ADAMTSL1: variants seen among roughly 807,000 people sequenced by gnomAD.
The protein encoded by ADAMTSL1 is ADAMTS like 1, also known as ADAMTS-like protein 1.
ADAMTSL1 carries 126 observed loss-of-function variants against 201.8 expected under a neutral mutation model. The ratio of observed to expected loss-of-function variants is 0.62; its 90% CI spans 0.54 to 0.72. The LOEUF is 0.72. Among genes scored for constraint, ADAMTSL1 ranks in the 30% least tolerant of loss-of-function variants. The probability of loss-of-function intolerance (pLI) is 0.00; values close to 1 mark genes in which losing one functional copy is unlikely to be tolerated. For synonymous variants in ADAMTSL1, 1,121 were observed against 903.4 expected (o/e 1.24, Z -4.32); for missense variants, 2,679 against 2,277.8 (o/e 1.18, Z -3.59).
intron 1 of ADAMTSL1, among the ~76,000 whole-genome samples, chr9:18,017,392 T>C (rs1820303036): frequency 6.6e-6 from 1 of 151,970 alleles, no homozygotes; most frequent in African/African-American, 2.4e-5. Context: ...TAACACCTGC[T>C]TAGTTTCAGC....
At chr9:18,350,617 G>A (rs1336909751) in intron 2 of ADAMTSL1, among the ~76,000 whole-genome samples, 1 of 152,112 alleles carries the variant, frequency 6.6e-6, no homozygotes, top group Non-Finnish European at 1.5e-5. Context: ...AAGATCTGTA[G>A]GAATAAAGCA....
intron 14 of ADAMTSL1, among the ~76,000 whole-genome samples, chr9:18,714,661 C>A: frequency 6.7e-6 from 1 of 150,230 alleles, no homozygotes; most frequent in East Asian, 2.0e-4. Flanking sequence ...CCGAATTCTA[C>A]CAGAGGTACA....
intron 1 of ADAMTSL1, among the ~76,000 whole-genome samples, chr9:18,070,982 T>C (rs906983173): frequency 2.0e-5 from 3 of 152,132 alleles, no homozygotes; most frequent in South Asian, 4.1e-4. Context: ...GCTTGAACTG[T>C]AGACTCAGGG....
chr9:17,916,730 A>C (rs1588410821), intron 1 of ADAMTSL1, among the ~76,000 whole-genome samples: 1 of 152,210 alleles, frequency 6.6e-6, no homozygotes, highest in East Asian at 1.9e-4. Flanking sequence ...AGTCCTGATA[A>C]ATAAAAATAA....
At chr9:18,572,872 G>A (rs1280646484) in intron 3 of ADAMTSL1, among the ~76,000 whole-genome samples, 1 of 152,134 alleles carries the variant, frequency 6.6e-6, no homozygotes, top group Non-Finnish European at 1.5e-5. Context: ...CAAAAAATTA[G>A]AATAAAAGCC....
At chr9:18,534,357 T>G (rs1819624986) in intron 3 of ADAMTSL1, among the ~76,000 whole-genome samples, 1 of 152,024 alleles carries the variant, frequency 6.6e-6, no homozygotes, top group Non-Finnish European at 1.5e-5. Context: ...AGCAAAACCC[T>G]GTCTCTTATA....
intron 14 of ADAMTSL1, among the ~76,000 whole-genome samples, chr9:18,719,413 T>A (rs1052450302): frequency 1.3e-5 from 2 of 152,162 alleles, no homozygotes; most frequent in African/African-American, 4.8e-5. Flanking sequence ...AATGGTGTGA[T>A]CTCAGCTCAC....
chr9:18,048,053 T>C (rs531799783), intron 1 of ADAMTSL1, among the ~76,000 whole-genome samples: 2 of 152,260 alleles, frequency 1.3e-5, no homozygotes, highest in East Asian at 3.9e-4. Context: ...GGACAGGGAG[T>C]AAACATTTGA....
chr9:18,834,462 A>G (rs1484287518), intron 23 of ADAMTSL1, among the ~76,000 whole-genome samples: 3 of 152,152 alleles, frequency 2.0e-5, no homozygotes, highest in Non-Finnish European at 4.4e-5. Context: ...CCCATATTTG[A>G]CAATCTGGTA....
chr9:18,391,521 C>T (rs1327373452), intron 2 of ADAMTSL1, among the ~76,000 whole-genome samples: 4 of 152,130 alleles, frequency 2.6e-5, no homozygotes, highest in African/African-American at 7.2e-5. Context: ...TAATAGCTCA[C>T]TGTAGCCTTG....
At chr9:18,497,292 G>T (rs553642997) in intron 1 of ADAMTSL1, among the ~76,000 whole-genome samples, 1 of 152,110 alleles carries the variant, frequency 6.6e-6, no homozygotes, top group Non-Finnish European at 1.5e-5. Context: ...TTTTTTAAAT[G>T]ACTGTAGTTT....
At chr9:18,443,355 G>A (rs1278971976) in intron 2 of ADAMTSL1, among the ~76,000 whole-genome samples, 1 of 152,174 alleles carries the variant, frequency 6.6e-6, no homozygotes, top group African/African-American at 2.4e-5. Context: ...ATTACTTTTT[G>A]TCTTTCTCCT....
At chr9:18,787,653 G>A (rs1293993660) in intron 19 of ADAMTSL1, among the ~76,000 whole-genome samples, 1 of 152,132 alleles carries the variant, frequency 6.6e-6, no homozygotes, top group Non-Finnish European at 1.5e-5. Context: ...GGATTTGCAG[G>A]CATCAGGAGT....
chr9:17,983,072 C>CTTTTTTTTTTTTTTTTTTTTTTT (rs199805015), intron 1 of ADAMTSL1, among the ~76,000 whole-genome samples: 2 of 100,316 alleles, frequency 2.0e-5, no homozygotes, highest in Non-Finnish European at 4.0e-5. Context: ...TTCTTTCTTT[C>CTTTTTTTTTTTTTTTTTTTTTTT]TTTCTTTTTT....
At position 18,718,782 on chromosome 9, in the gene ADAMTSL1, A is replaced by T. The variant is rs559107117; in HGVS notation, c.1877-2754A>T. Reference sequence around the variant, plus strand: ...ACACCTTCACACACACACCTGATCCAGTCACTTTCAAGTAAAGCATGTGAC... The same window carrying T: ...ACACCTTCACACACACACCTGATCCTGTCACTTTCAAGTAAAGCATGTGAC... On this transcript the variant is annotated intron_variant, in intron 14 of 28. Coordinates refer to ENST00000380548, the MANE Select transcript of ADAMTSL1 (RefSeq NM_001040272.6). 2.0e-5 allele frequency among the ~76,000 whole-genome samples: 3 copies of T among 152,334 alleles called. No individual in the cohort carries two copies. In the South Asian group the frequency reaches 6.2e-4, roughly 32 times the overall value.
At chr9:18,119,957 T>C (rs572388287) in intron 1 of ADAMTSL1, among the ~76,000 whole-genome samples, 95 of 152,304 alleles carry the variant, frequency 6.2e-4, no homozygotes, top group African/African-American at 2.1e-3. Flanking sequence ...ATGAATTCAT[T>C]ATATATAGGC....
chr9:18,769,874 A>C (rs998873191), intron 16 of ADAMTSL1, among the ~76,000 whole-genome samples: 4 of 152,194 alleles, frequency 2.6e-5, no homozygotes, highest in African/African-American at 9.7e-5. Flanking sequence ...GAAGGGACAT[A>C]TATTTGAAAA....
chr9:18,905,904 C>T lies in ADAMTSL1; in HGVS notation c.4961+13C>T, dbSNP rs1258419586. On this transcript the variant is annotated intron_variant, in intron 27 of 28. Transcript: ENST00000380548. The stretch of plus-strand genomic sequence containing the variant: ...GTGCTCTTCCGAGGTAAGAGAAAGC[C>T]CTGAATCTCCTTTTCCCAGCCCCAT... 2 of 1,584,248 alleles carry T rather than the reference C, an allele frequency of 1.3e-6. No individual in the cohort carries two copies. Among genetic ancestry groups the T allele is most frequent in the Admixed American group, 1.7e-5 (1 of 57,630 alleles).
At chr9:18,066,792 G>A (rs1472127869) in intron 1 of ADAMTSL1, among the ~76,000 whole-genome samples, 1 of 152,148 alleles carries the variant, frequency 6.6e-6, no homozygotes, top group East Asian at 1.9e-4. Context: ...ATACACCATG[G>A]AATACTATGC....
Sources: gnomAD v4.1 joint callset for allele counts (sites outside exome capture counted in the v4.1 genomes callset) on GRCh38, gnomAD v4.1.1 for gene constraint, MANE v1.5 for transcripts, NCBI Gene and HGNC (gene_info 2026-07-23, HGNC 2026-07-21) for gene names.